Variants in GRIK2 observed in about 807,000 individuals in gnomAD.
The protein encoded by GRIK2 is glutamate receptor ionotropic, kainate 2.
GRIK2 carries 32 observed loss-of-function variants against 100.3 expected under a neutral mutation model. The observed-to-expected ratio is 0.32, with a 90% CI of 0.24 to 0.43. The LOEUF (loss-of-function observed/expected upper bound fraction) is 0.43. Ranked by LOEUF, GRIK2 falls within the 20% of genes least tolerant of loss-of-function variation. GRIK2 has a pLI of 1.00. For missense variants in GRIK2, 843 were observed against 1,114.9 expected (o/e 0.76, Z 3.47); for synonymous variants, 417 against 389.4 (o/e 1.07, Z -0.83).
At chr6:101,908,243 T>C (rs184383638) in intron 12 of GRIK2, among the ~76,000 whole-genome samples, 72 of 29,800 alleles carry the variant, frequency 2.4e-3, no homozygotes, top group Non-Finnish European at 4.1e-3. Context: ...CATTTTATTA[T>C]GTGCAGCTAG....
chr6:101,812,681 AAATAT>A (rs1174257688), intron 9 of GRIK2, among the ~76,000 whole-genome samples: 1 of 152,060 alleles, frequency 6.6e-6, no homozygotes, highest in African/African-American at 2.4e-5. Flanking sequence ...TAAACAGTTA[AAATAT>A]AATATGATAC....
intron 2 of GRIK2, among the ~76,000 whole-genome samples, chr6:101,442,097 A>C (rs1174279900): frequency 1.3e-5 from 2 of 152,100 alleles, no homozygotes; most frequent in Admixed American, 1.3e-4. Context: ...GGTTTGCTGG[A>C]TGGCAGAAAA....
chr6:101,402,375 C>T (rs1775360906), intron 2 of GRIK2, among the ~76,000 whole-genome samples: 1 of 152,316 alleles, frequency 6.6e-6, no homozygotes, highest in African/African-American at 2.4e-5. Flanking sequence ...TTTGCAGTTA[C>T]ACCCAGGAGC....
At chr6:101,694,900 A>T (rs1180353678) in intron 7 of GRIK2, among the ~76,000 whole-genome samples, 1 of 151,366 alleles carries the variant, frequency 6.6e-6, no homozygotes, top group Non-Finnish European at 1.5e-5. Flanking sequence ...ATAAAAAAAT[A>T]CCTTGGCCTC....
intron 14 of GRIK2, among the ~76,000 whole-genome samples, chr6:101,968,136 T>C (rs1792807187): frequency 1.3e-5 from 2 of 150,740 alleles, no homozygotes; most frequent in African/African-American, 4.9e-5. Flanking sequence ...TTTCAAAAGT[T>C]AAAAAAAAAC....
At chr6:102,020,859 A>G (rs1029527647) in intron 14 of GRIK2, among the ~76,000 whole-genome samples, 1 of 151,884 alleles carries the variant, frequency 6.6e-6, no homozygotes, top group Non-Finnish European at 1.5e-5. Context: ...AAGGAACAAT[A>G]TAACATCTGA....
In GRIK2 at chr6:101,962,103, G is replaced by A. The variant is rs73761499; in HGVS notation, c.2085+33471G>A. Among the ~76,000 whole-genome samples the A allele has an allele frequency of 8.2e-3, 1,244 of 152,196 alleles. 17 individuals carry two copies. The highest frequency in any genetic ancestry group is 0.029 in the African/African-American group (1,209 of 41,520). On this transcript the variant is annotated intron_variant, in intron 14 of 16. Coordinates refer to ENST00000369134, the MANE Select transcript of GRIK2 (RefSeq NM_021956.5). ...TCAGCAGTATGACACAGGGGTGAGG[G>A]GAGCATAAAGTACCCCCATCTACCT...
chr6:102,014,749 C>T (rs1176068002), intron 14 of GRIK2, among the ~76,000 whole-genome samples: 1 of 152,056 alleles, frequency 6.6e-6, no homozygotes, highest in Non-Finnish European at 1.5e-5. Flanking sequence ...TGGTTTTGAG[C>T]AATTTTCTTA....
intron 12 of GRIK2, among the ~76,000 whole-genome samples, chr6:101,924,195 A>G (rs1789740655): frequency 6.6e-6 from 1 of 152,100 alleles, no homozygotes; most frequent in African/African-American, 2.4e-5. Flanking sequence ...TGATGATTTT[A>G]TATTTTTTTC....
chr6:101,571,181 A>ATG, intron 2 of GRIK2, among the ~76,000 whole-genome samples: 1 of 152,140 alleles, frequency 6.6e-6, no homozygotes, highest in Non-Finnish European at 1.5e-5. Flanking sequence ...TTTAACTTGC[A>ATG]TGTTTAGTCA....
At chr6:101,910,863 A>ACACACACACACACACG (rs1339176678) in intron 12 of GRIK2, among the ~76,000 whole-genome samples, 1 of 150,690 alleles carries the variant, frequency 6.6e-6, no homozygotes, top group Non-Finnish European at 1.5e-5. Flanking sequence ...ACACACACAC[A>ACACACACACACACACG]CATACACAAG....
At chr6:101,716,033 C>A (rs1468265684) in intron 7 of GRIK2, among the ~76,000 whole-genome samples, 2 of 151,786 alleles carry the variant, frequency 1.3e-5, no homozygotes, top group Non-Finnish European at 2.9e-5. Flanking sequence ...CCACCTTCTA[C>A]CTGCTTCCCC....
At chr6:101,754,564 T>G (rs1322428241) in intron 7 of GRIK2, among the ~76,000 whole-genome samples, 2 of 152,204 alleles carry the variant, frequency 1.3e-5, no homozygotes, top group Non-Finnish European at 2.9e-5. Flanking sequence ...AAAAGAGCTA[T>G]AATCCTTTTC....
Position 101,499,956 on chromosome 6 carries a change from G to A in GRIK2, c.115+100564G>A, listed in dbSNP as rs1389731697. ...AGAAAGGGCCAGATTGGCTATCCTT[G>A]TTTTTTTATGATATTATAGGTGTCA... is the stretch of plus-strand genomic sequence containing the variant. On this transcript the variant is annotated intron_variant, in intron 2 of 16. Coordinates refer to ENST00000369134, the MANE Select transcript of GRIK2 (RefSeq NM_021956.5). Among the ~76,000 whole-genome samples the A allele has an allele frequency of 3.3e-5, 5 of 151,942 alleles. No individual in the cohort carries two copies. The East Asian group carries it at 9.7e-4, about 29-fold the overall frequency.
chr6:101,498,563 A>C (rs1773575843), intron 2 of GRIK2, among the ~76,000 whole-genome samples: 2 of 149,978 alleles, frequency 1.3e-5, no homozygotes, highest in Admixed American at 1.3e-4. Flanking sequence ...TGCCATTCTA[A>C]CTGGTGTGAG....
intron 12 of GRIK2, among the ~76,000 whole-genome samples, chr6:101,908,111 G>C (rs796212854): frequency 6.6e-6 from 1 of 151,336 alleles, no homozygotes; most frequent in Non-Finnish European, 1.5e-5. Context: ...CATTCTGTCC[G>C]AGCTGTCATT....
chr6:101,741,337 C>T (rs1159236599), intron 7 of GRIK2, among the ~76,000 whole-genome samples: 4 of 152,168 alleles, frequency 2.6e-5, no homozygotes, highest in Non-Finnish European at 5.9e-5. Context: ...TCCAGATACA[C>T]TTGTCTGCAG....
At chr6:101,833,554 T>C (rs1782844051) in intron 10 of GRIK2, among the ~76,000 whole-genome samples, 2 of 152,168 alleles carry the variant, frequency 1.3e-5, no homozygotes, top group African/African-American at 4.8e-5. Context: ...TGATAATAGA[T>C]TTATGCTCAA....
At position 101,790,689 on chromosome 6, in the gene GRIK2, C is replaced by T. The variant is rs1356375617; in HGVS notation, c.952-8959C>T. Reference sequence around the variant, plus strand: ...TTCTCTTTTTTGGTTGTGTCTCTGCCCGGCTTTGGTATCAGGATGATGCGG... The same window carrying T: ...TTCTCTTTTTTGGTTGTGTCTCTGCTCGGCTTTGGTATCAGGATGATGCGG... On this transcript the variant is annotated intron_variant, in intron 7 of 16. Transcript: ENST00000369134. Among the ~76,000 whole-genome samples, 5 of 149,790 alleles carry T rather than the reference C, an allele frequency of 3.3e-5. No homozygotes were observed. The South Asian group carries it at 6.4e-4, about 19-fold the overall frequency.
Sources: gnomAD v4.1 joint callset for allele counts (sites outside exome capture counted in the v4.1 genomes callset) on GRCh38, gnomAD v4.1.1 for gene constraint, MANE v1.5 for transcripts, NCBI Gene and HGNC (gene_info 2026-07-23, HGNC 2026-07-21) for gene names.